TULP4: variants seen among roughly 807,000 people sequenced by gnomAD.
TULP4 encodes TUB like protein 4.
TULP4 carries 16 observed loss-of-function variants against 129.0 expected under a neutral mutation model. The ratio of observed to expected loss-of-function variants is 0.12; its 90% confidence interval spans 0.08 to 0.19. The LOEUF (loss-of-function observed/expected upper bound fraction) is 0.19, where lower values mean the gene tolerates loss of function less well. Ranked by LOEUF, TULP4 falls within the 10% of genes least tolerant of loss-of-function variation. The probability of loss-of-function intolerance (pLI) is 1.00; values close to 1 mark genes in which losing one functional copy is unlikely to be tolerated. For synonymous variants in TULP4, 998 were observed against 854.0 expected (o/e 1.17, Z -2.94); for missense variants, 1,842 against 2,059.1 (o/e 0.89, Z 2.04).
intron 1 of TULP4, among the ~76,000 whole-genome samples, chr6:158,239,592 A>AC (rs1287751045): frequency 1.8e-4 from 5 of 28,172 alleles, no homozygotes; most frequent in Admixed American, 8.1e-4. Context: ...AGGGGGGCTG[A>AC]CCCCCCCCAC....
chr6:158,243,848 G>GT lies in TULP4; in HGVS notation n.68+11546dup, dbSNP rs935600859. On this transcript the variant is annotated intron_variant and non_coding_transcript_variant, in intron 1 of 1. Coordinates refer to the TULP4 transcript ENST00000620026. ...GTCATTTAGTTATTAGCTGAAATAG[G>GT]TGTGTGTGTGTGTGTGTGTGTGTGT... Among the ~76,000 whole-genome samples, 9 of 1,958 alleles carry GT rather than the reference G, an allele frequency of 4.6e-3. No individual in the cohort carries two copies. In the South Asian group the frequency reaches 0.14, roughly 31 times the overall value. The allele number at this position is 1,958 out of a possible 152,430, so 1.3% of individuals were successfully genotyped here. A position where few individuals can be genotyped will look rare whatever the true frequency, so the allele number is the denominator to read the frequency against.
intron 1 of TULP4, among the ~76,000 whole-genome samples, chr6:158,233,746 A>G (rs890826193): frequency 2.0e-5 from 3 of 152,254 alleles, no homozygotes. Context: ...GGTAACTGGC[A>G]TGGAAGTGAT....
rs1779415264 is a variant in TULP4 at position 158,313,638 on chromosome 6, G to A, written c.-379G>A. On this transcript the variant is annotated 5_prime_UTR_variant, in exon 1 of 14. Coordinates refer to ENST00000367097, the MANE Select transcript of TULP4 (RefSeq NM_020245.5). ...ATATTACACTAAACTGGAATCTCAG[G>A]CTGAATGAGAATAACCAAGTGGAGT... 3 of 431,058 alleles carry A rather than the reference G, an allele frequency of 7.0e-6. No individual in the cohort carries two copies. Among genetic ancestry groups the A allele is most frequent in the Non-Finnish European group, 4.1e-6 (1 of 246,032 alleles). 26.7% of individuals were successfully genotyped at this position (431,058 alleles called of 1,614,324 possible). A position where few individuals can be genotyped will look rare whatever the true frequency, so the allele number is the denominator to read the frequency against.
At chr6:158,403,644 A>G (rs911621645) in intron 1 of TULP4, among the ~76,000 whole-genome samples, 1 of 152,158 alleles carries the variant, frequency 6.6e-6, no homozygotes, top group Non-Finnish European at 1.5e-5. Context: ...AACCGGGGAC[A>G]TTTCGCGTGT....
Position 158,504,150 on chromosome 6 carries a change from A to G in TULP4, c.4487A>G (p.Asn1496Ser). 6.2e-7 allele frequency: 1 copy of G among 1,602,680 alleles called. No homozygotes were observed. The highest frequency in any genetic ancestry group is 8.5e-7 in the Non-Finnish European group (1 of 1,174,326). The change falls in exon 13 of 14, where the codon AAC becomes AGC. Residue 1496 changes from asparagine to serine, a missense_variant. Asn to Ser is a conservative substitution (Grantham distance 46, BLOSUM62 1). Around this residue, in one of 5 missense-constraint regions of TULP4, gnomAD observed 47 missense variants for 104.0 expected, o/e 0.45. Coordinates refer to ENST00000367097, the MANE Select transcript of TULP4 (RefSeq NM_020245.5). ...CGGGTGACCCAGGAGTCCGCCAAGA[A>G]CTTCCAGATTGAGTTAGAGGGGCGG... Reference protein sequence around the residue: ...GGRVTQESAKNFQIELEGRQV... With the variant: ...GGRVTQESAKSFQIELEGRQV...
At chr6:158,270,571 A>G (rs1778529578) in intron 1 of TULP4, among the ~76,000 whole-genome samples, 2 of 152,174 alleles carry the variant, frequency 1.3e-5, no homozygotes, top group Non-Finnish European at 2.9e-5. Context: ...ATGGGCACTC[A>G]GTTAGCGTCT....
intron 1 of TULP4, chr6:158,241,799 T>A (rs1324096359): frequency 2.0e-6 from 1 of 509,826 alleles, no homozygotes; most frequent in Non-Finnish European, 3.7e-6. Flanking sequence ...TTTACCGTAT[T>A]GGCCAGGCTG....
chr6:158,361,323 T>G (rs1340140928), intron 1 of TULP4, among the ~76,000 whole-genome samples: 1 of 152,240 alleles, frequency 6.6e-6, no homozygotes, highest in Non-Finnish European at 1.5e-5. Context: ...ACCCACTGAT[T>G]ATTCTAATAG....
intron 11 of TULP4, 30 bp from the exon 12 acceptor site, chr6:158,498,639 G>A: frequency 1.2e-6 from 2 of 1,613,936 alleles, no homozygotes; most frequent in Non-Finnish European, 8.5e-7. Flanking sequence ...GTGTGTCTCT[G>A]TTAACTGTGC....
At chr6:158,501,175 A>G (rs2128262643) in intron 12 of TULP4, among the ~76,000 whole-genome samples, 1 of 152,254 alleles carries the variant, frequency 6.6e-6, no homozygotes, top group Admixed American at 6.5e-5. Flanking sequence ...GGTTCTATTT[A>G]CAGAAACCTA....
chr6:158,289,545 T>A (rs1487854035), intron 1 of TULP4, among the ~76,000 whole-genome samples: 1 of 152,176 alleles, frequency 6.6e-6, no homozygotes, highest in Non-Finnish European at 1.5e-5. Flanking sequence ...TTTATAACAG[T>A]TTCTTCTTTT....
chr6:158,299,657 T>G (rs141104447), intron 1 of TULP4, among the ~76,000 whole-genome samples: 81 of 152,304 alleles, frequency 5.3e-4, no homozygotes, highest in African/African-American at 1.9e-3. Context: ...TGCAGTGCTT[T>G]CTTTTCCTGG....
intron 3 of TULP4, among the ~76,000 whole-genome samples, chr6:158,443,363 C>T (rs369812163): frequency 1.2e-4 from 18 of 152,052 alleles, no homozygotes; most frequent in Admixed American, 6.5e-4. Context: ...ATGATCTGCC[C>T]GTCTTGGCCT....
intron 8 of TULP4, among the ~76,000 whole-genome samples, chr6:158,483,051 A>C (rs1779983637): frequency 1.3e-5 from 2 of 152,264 alleles, no homozygotes; most frequent in Non-Finnish European, 2.9e-5. Flanking sequence ...ACAGATATTT[A>C]GTCAGTGCCT....
intron 1 of TULP4, among the ~76,000 whole-genome samples, chr6:158,287,932 G>A (rs1778858983): frequency 2.0e-5 from 3 of 152,146 alleles, no homozygotes; most frequent in Admixed American, 2.0e-4. Context: ...TTTTTAAAGT[G>A]GCAAATGATA....
At chr6:158,408,241 C>T (rs1024838558) in intron 1 of TULP4, among the ~76,000 whole-genome samples, 3 of 152,056 alleles carry the variant, frequency 2.0e-5, no homozygotes, top group Non-Finnish European at 4.4e-5. Flanking sequence ...GCTTTACTCA[C>T]CAGGCGGCAA....
chr6:158,483,339 TGGG>T (rs1202364327), intron 8 of TULP4, among the ~76,000 whole-genome samples: 2 of 152,118 alleles, frequency 1.3e-5, no homozygotes, highest in African/African-American at 4.8e-5. Context: ...TTCTTTTTAT[TGGG>T]GGGATGGAGG....
At chr6:158,319,238 C>G (rs1176892116) in intron 1 of TULP4, among the ~76,000 whole-genome samples, 1 of 152,086 alleles carries the variant, frequency 6.6e-6, no homozygotes, top group Non-Finnish European at 1.5e-5. Context: ...AGGAGCTCCC[C>G]TTGTAGGACT....
intron 1 of TULP4, among the ~76,000 whole-genome samples, chr6:158,398,198 C>G (rs1163913760): frequency 6.6e-6 from 1 of 152,150 alleles, no homozygotes; most frequent in Non-Finnish European, 1.5e-5. Context: ...CCTGGTGCCC[C>G]CAGCATACCA....
Sources: gnomAD v4.1 joint callset for allele counts (sites outside exome capture counted in the v4.1 genomes callset) on GRCh38, gnomAD v4.1.1 for gene constraint, gnomAD v4.1.1 regional missense constraint, MANE v1.5 for transcripts, NCBI Gene and HGNC (gene_info 2026-07-23, HGNC 2026-07-21) for gene names.